The following LTBP1 variants were observed in gnomAD, a reference collection of about 807,000 sequenced individuals.
LTBP1 encodes latent-transforming growth factor beta-binding protein 1.
LTBP1 carries 129 observed loss-of-function variants against 207.6 expected under a neutral mutation model. That is an observed-to-expected ratio of 0.62 (90% CI 0.54 to 0.72). The LOEUF (loss-of-function observed/expected upper bound fraction) is 0.72. Among genes scored for constraint, LTBP1 ranks in the 30% least tolerant of loss-of-function variants. LTBP1 has a pLI of 0.00. For synonymous variants in LTBP1, 963 were observed against 833.7 expected, an observed-to-expected ratio of 1.16 and a Z score of -2.67; for missense variants, 2,281 against 2,217.2, an observed-to-expected ratio of 1.03 and a Z score of -0.58.
At chr2:33,308,082 G>A (rs2094126295) in intron 22 of LTBP1, among the ~76,000 whole-genome samples, 1 of 152,164 alleles carries the variant, frequency 6.6e-6, no homozygotes, top group South Asian at 2.1e-4. Context: ...CAAGTTCTGA[G>A]AAAACAAAGA....
At chr2:32,950,649 T>C (rs1391242507) in intron 2 of LTBP1, among the ~76,000 whole-genome samples, 3 of 151,984 alleles carry the variant, frequency 2.0e-5, no homozygotes, top group African/African-American at 7.3e-5. Flanking sequence ...GAGAATTGCC[T>C]GTACCTGGGT....
intron 7 of LTBP1, among the ~76,000 whole-genome samples, chr2:33,205,400 T>G (rs1247245647): frequency 6.6e-6 from 1 of 152,234 alleles, no homozygotes; most frequent in Non-Finnish European, 1.5e-5. Flanking sequence ...TAGGCACACA[T>G]GAATTGTGGG....
chr2:32,969,805 G>C (rs1051633094), intron 2 of LTBP1, among the ~76,000 whole-genome samples: 2 of 152,172 alleles, frequency 1.3e-5, no homozygotes, highest in Non-Finnish European at 2.9e-5. Flanking sequence ...GGATTGCTGG[G>C]TGAAAAGGTA....
intron 5 of LTBP1, among the ~76,000 whole-genome samples, chr2:33,139,544 G>T (rs1221414658): frequency 6.6e-6 from 1 of 152,192 alleles, no homozygotes; most frequent in Non-Finnish European, 1.5e-5. Flanking sequence ...AGAGAGAAAA[G>T]AGATGGCATG....
At chr2:33,288,047 C>T (rs1336255194) in intron 19 of LTBP1, among the ~76,000 whole-genome samples, 1 of 152,126 alleles carries the variant, frequency 6.6e-6, no homozygotes, top group Non-Finnish European at 1.5e-5. Context: ...AGCTGTAGTG[C>T]TAGAATAAGA....
rs149225216 is a variant in LTBP1 at position 33,021,227 on chromosome 2, T to C, written c.863+21T>C. 291 of 1,563,474 alleles carry C rather than the reference T, an allele frequency of 1.9e-4. No homozygotes were observed. In the East Asian group the frequency reaches 6.1e-3, roughly 33 times the overall value. ...TCTCAGTGAGTGTTTCGAACTTTCA[T>C]TTAGCTAAGGATCATCTTAATTACT... On this transcript the variant is annotated intron_variant, in intron 3 of 33. Transcript: ENST00000404816.
intron 3 of LTBP1, among the ~76,000 whole-genome samples, chr2:33,108,597 T>C (rs2080206178): frequency 6.6e-6 from 1 of 152,050 alleles, no homozygotes; most frequent in Admixed American, 6.5e-5. Context: ...AACCCCATAC[T>C]CTTACTTTTC....
chr2:33,208,195 G>A (rs143774007), intron 7 of LTBP1, among the ~76,000 whole-genome samples: 2 of 152,332 alleles, frequency 1.3e-5, no homozygotes, highest in Non-Finnish European at 2.9e-5. Flanking sequence ...GTGGATGGAG[G>A]TGAGGATGGC....
intron 5 of LTBP1, among the ~76,000 whole-genome samples, chr2:33,172,225 C>G (rs1203896823): frequency 6.6e-6 from 1 of 151,824 alleles, no homozygotes; most frequent in African/African-American, 2.4e-5. Flanking sequence ...ATTGGATAGT[C>G]AAGACCCATC....
intron 9 of LTBP1, among the ~76,000 whole-genome samples, chr2:33,240,622 C>A (rs940833655): frequency 3.3e-5 from 5 of 150,850 alleles, no homozygotes; most frequent in African/African-American, 9.8e-5. Flanking sequence ...GCACAAAGAA[C>A]CTTCTCAGGT....
At chr2:33,168,399 CAAAAAA>C (rs10616798) in intron 5 of LTBP1, among the ~76,000 whole-genome samples, 1 of 103,814 alleles carries the variant, frequency 9.6e-6, no homozygotes, top group African/African-American at 3.6e-5. Context: ...GTCTTTGTCT[CAAAAAA>C]AAAAAAAAAA....
chr2:33,355,386 A>G (rs73927503), intron 26 of LTBP1, among the ~76,000 whole-genome samples: 178 of 152,300 alleles, frequency 1.2e-3, no homozygotes, highest in African/African-American at 3.7e-3. Context: ...ATTTACATAT[A>G]ACGTATGCAC....
chr2:33,223,875 A>G (rs1233220809), intron 9 of LTBP1, among the ~76,000 whole-genome samples: 1 of 152,238 alleles, frequency 6.6e-6, no homozygotes, highest in Non-Finnish European at 1.5e-5. Flanking sequence ...TGGCTGCCCT[A>G]TAAACACGCC....
chr2:32,995,248 C>G (rs1194153868), intron 2 of LTBP1, among the ~76,000 whole-genome samples: 2 of 151,930 alleles, frequency 1.3e-5, no homozygotes, highest in Non-Finnish European at 1.5e-5. Flanking sequence ...CCAGAGTGCT[C>G]CACAGCCGGT....
chr2:33,026,586 A>G (rs1033930270), intron 3 of LTBP1, among the ~76,000 whole-genome samples: 3 of 152,198 alleles, frequency 2.0e-5, no homozygotes, highest in African/African-American at 4.8e-5. Context: ...GGTCTGCCCA[A>G]CGAGTCTGTG....
Position 33,222,082 on chromosome 2 carries a change from TATC to T in LTBP1, c.1810_1812del (p.His604del). ...ACAAAGCATTTCTTCCCTTACAGCT[TATC>T]ATGGATACAACCAAATGATGGAATG... On this transcript the variant is annotated inframe_deletion, in exon 9 of 34. Coordinates refer to ENST00000404816, the MANE Select transcript of LTBP1 (RefSeq NM_206943.4). 1 of 1,611,028 alleles carries T rather than the reference TATC, an allele frequency of 6.2e-7. No individual in the cohort carries two copies. Among genetic ancestry groups the T allele is most frequent in the East Asian group, 2.2e-5 (1 of 44,870 alleles).
At chr2:33,022,490 G>A (rs2075224920) in intron 3 of LTBP1, among the ~76,000 whole-genome samples, 1 of 152,052 alleles carries the variant, frequency 6.6e-6, no homozygotes, top group Non-Finnish European at 1.5e-5. Context: ...AACACTTATT[G>A]TGTATTGTTC....
intron 5 of LTBP1, among the ~76,000 whole-genome samples, chr2:33,154,140 A>G (rs1471764330): frequency 6.6e-6 from 1 of 152,196 alleles, no homozygotes; most frequent in Non-Finnish European, 1.5e-5. Flanking sequence ...CACCACTTGA[A>G]TGTGCCTTTC....
intron 2 of LTBP1, among the ~76,000 whole-genome samples, chr2:32,982,366 G>A (rs915088494): frequency 6.6e-6 from 1 of 152,182 alleles, no homozygotes. Context: ...GAATATAAAA[G>A]TTTGGAAAAT....
Sources: allele counts gnomAD v4.1 joint callset (sites outside exome capture counted in the v4.1 genomes callset), GRCh38; gene constraint gnomAD v4.1.1; transcripts MANE v1.5; gene names NCBI Gene and HGNC (gene_info 2026-07-23, HGNC 2026-07-21).